The following GSK3B variants were observed in gnomAD, a reference collection of about 807,000 sequenced individuals.
GSK3B encodes the protein glycogen synthase kinase-3 beta.
Under a neutral mutation model 56.4 loss-of-function variants are expected in GSK3B, and 15 were observed. The ratio of observed to expected loss-of-function variants is 0.27; its 90% CI spans 0.18 to 0.41. GSK3B has a LOEUF of 0.41. GSK3B is among the 10% of genes least tolerant of loss of function. GSK3B has a pLI of 1.00. For missense variants in GSK3B, 300 were observed against 513.4 expected, an observed-to-expected ratio of 0.58 and a Z score of 4.02; for synonymous variants, 181 against 188.9, an observed-to-expected ratio of 0.96 and a Z score of 0.34.
At chr3:119,906,201 C>T (rs1447382246) in intron 6 of GSK3B, among the ~76,000 whole-genome samples, 1 of 152,046 alleles carries the variant, frequency 6.6e-6, no homozygotes, top group African/African-American at 2.4e-5. Flanking sequence ...CAAAGTGACA[C>T]AACGTCTGCA....
At chr3:119,979,133 A>G (rs2057436874) in intron 2 of GSK3B, among the ~76,000 whole-genome samples, 1 of 152,158 alleles carries the variant, frequency 6.6e-6, no homozygotes, top group African/African-American at 2.4e-5. Flanking sequence ...ACATTAGATA[A>G]TGGCAGCCCA....
At chr3:119,977,710 A>C (rs2057420782) in intron 2 of GSK3B, among the ~76,000 whole-genome samples, 1 of 152,212 alleles carries the variant, frequency 6.6e-6, no homozygotes, top group Non-Finnish European at 1.5e-5. Context: ...ATGGCTATAT[A>C]AAATACTAAT....
intron 10 of GSK3B, among the ~76,000 whole-genome samples, chr3:119,840,523 C>T (rs1018802320): frequency 6.6e-6 from 1 of 152,018 alleles, no homozygotes; most frequent in South Asian, 2.1e-4. Flanking sequence ...CGCGCCTGGC[C>T]GAGGACATAT....
At chr3:119,918,302 GTCTCT>G (rs2056802031) in intron 4 of GSK3B, among the ~76,000 whole-genome samples, 1 of 151,522 alleles carries the variant, frequency 6.6e-6, no homozygotes, top group East Asian at 1.9e-4. Context: ...GTGAAACCCC[GTCTCT>G]ACTAAAATGC....
At chr3:119,910,756 CCTG>C (rs2107452443) in intron 6 of GSK3B, among the ~76,000 whole-genome samples, 2 of 152,296 alleles carry the variant, frequency 1.3e-5, no homozygotes, top group South Asian at 4.1e-4. Flanking sequence ...CCTCTCAACC[CCTG>C]CTGCTGCTTT....
At chr3:119,829,329 T>C (rs2055564202) in intron 10 of GSK3B, among the ~76,000 whole-genome samples, 1 of 152,212 alleles carries the variant, frequency 6.6e-6, no homozygotes. Context: ...CATGCTCTGA[T>C]GACACTCAGA....
chr3:120,069,791 A>G (rs943141911), intron 1 of GSK3B, among the ~76,000 whole-genome samples: 4 of 152,194 alleles, frequency 2.6e-5, no homozygotes, highest in African/African-American at 9.7e-5. Context: ...TTTCCTGATT[A>G]CGAATACTCA....
At chr3:120,058,316 T>C (rs957953285) in intron 1 of GSK3B, among the ~76,000 whole-genome samples, 3 of 152,206 alleles carry the variant, frequency 2.0e-5, no homozygotes, top group Non-Finnish European at 4.4e-5. Context: ...CAGTAATCAA[T>C]GTAAAACTTA....
In GSK3B at chr3:119,955,135, T is replaced by C. The variant is rs557264139; in HGVS notation, c.283-7784A>G. On this transcript the variant is annotated intron_variant, in intron 2 of 10. Transcript: ENST00000264235. Reference sequence around the variant, plus strand: ...AAAATGAAGGTTATCCAAAGTTGCATTATCCATCCTTAGTCATCATAAGAC... The same window carrying C: ...AAAATGAAGGTTATCCAAAGTTGCACTATCCATCCTTAGTCATCATAAGAC... Among the ~76,000 whole-genome samples, 3 of 152,122 alleles carry C rather than the reference T, an allele frequency of 2.0e-5. No homozygotes were observed. In the South Asian group the frequency reaches 6.2e-4, roughly 32 times the overall value.
intron 2 of GSK3B, among the ~76,000 whole-genome samples, chr3:120,000,733 T>A (rs1376305839): frequency 1.4e-5 from 2 of 146,142 alleles, no homozygotes; most frequent in Non-Finnish European, 3.0e-5. Context: ...CCTAATGAGG[T>A]ACAGAAAATG....
chr3:119,892,242 TTACAAGC>T (rs748810621), intron 7 of GSK3B, among the ~76,000 whole-genome samples: 9 of 152,170 alleles, frequency 5.9e-5, no homozygotes, highest in South Asian at 4.1e-4. Flanking sequence ...TTCCAACTGC[TTACAAGC>T]TAATGTGATC....
intron 3 of GSK3B, among the ~76,000 whole-genome samples, chr3:119,941,025 T>C (rs952896229): frequency 2.0e-5 from 3 of 151,470 alleles, no homozygotes; most frequent in Admixed American, 2.0e-4. Flanking sequence ...TTTTTTTTTT[T>C]TTTTTTTGAG....
chr3:120,078,914 T>TACACACACACACACACACAC (rs57127586), intron 1 of GSK3B, among the ~76,000 whole-genome samples: 2 of 138,202 alleles, frequency 1.4e-5, no homozygotes, highest in Non-Finnish European at 3.1e-5. Context: ...GACAGGAAAT[T>TACACACACACACACACACAC]ACACACACAC....
At chr3:120,029,564 C>T (rs1282024756) in intron 1 of GSK3B, 4 of 600,538 alleles carry the variant, frequency 6.7e-6, no homozygotes, top group Non-Finnish European at 9.6e-6. Context: ...CATCTGGCAC[C>T]ATCATGATGG....
chr3:120,052,554 T>C (rs554085914), intron 1 of GSK3B, among the ~76,000 whole-genome samples: 2 of 152,320 alleles, frequency 1.3e-5, no homozygotes, highest in Non-Finnish European at 2.9e-5. Flanking sequence ...TTACCTCTCA[T>C]TTTTAAACAC....
At chr3:120,069,018 A>C (rs895598010) in intron 1 of GSK3B, among the ~76,000 whole-genome samples, 1 of 152,158 alleles carries the variant, frequency 6.6e-6, no homozygotes, top group Non-Finnish European at 1.5e-5. Context: ...GGTAACAAGA[A>C]AGGAAGGAAA....
At chr3:119,898,472 G>C (rs987228261) in intron 7 of GSK3B, among the ~76,000 whole-genome samples, 7 of 152,122 alleles carry the variant, frequency 4.6e-5, no homozygotes, top group Non-Finnish European at 8.8e-5. Flanking sequence ...GTAAGATTTA[G>C]GGGTTGCATC....
chr3:120,022,552 T>TAA (rs1191243172), intron 1 of GSK3B, among the ~76,000 whole-genome samples: 1 of 149,792 alleles, frequency 6.7e-6, no homozygotes, highest in Non-Finnish European at 1.5e-5. Flanking sequence ...CTCCCAATCC[T>TAA]CTCCCCACAA....
At chr3:119,853,676 T>A (rs1186226180) in intron 9 of GSK3B, among the ~76,000 whole-genome samples, 2 of 152,210 alleles carry the variant, frequency 1.3e-5, no homozygotes, top group Non-Finnish European at 2.9e-5. Flanking sequence ...TTATTCTCTT[T>A]GAAGCAATTG....
Sources: allele counts gnomAD v4.1 joint callset (sites outside exome capture counted in the v4.1 genomes callset), GRCh38; gene constraint gnomAD v4.1.1; transcripts MANE v1.5; gene names NCBI Gene and HGNC (gene_info 2026-07-23, HGNC 2026-07-21).